Variants in PATJ observed in about 807,000 individuals in gnomAD.
PATJ encodes the protein inaD-like protein.
A neutral mutation model predicts 224.9 loss-of-function variants in PATJ; 190 were observed. That is an observed-to-expected ratio of 0.84 (90% CI 0.75 to 0.95). The LOEUF is 0.95. PATJ is among the 40% of genes least tolerant of loss of function. The pLI is 0.00. For missense variants in PATJ, 2,121 were observed against 2,270.3 expected (o/e 0.93, Z 1.34); for synonymous variants, 769 against 820.3 (o/e 0.94, Z 1.07).
At chr1:62,121,750 G>A (rs1041339006) in intron 38 of PATJ, among the ~76,000 whole-genome samples, 3 of 148,694 alleles carry the variant, frequency 2.0e-5, no homozygotes, top group African/African-American at 5.0e-5. Flanking sequence ...CTCCAGCCTG[G>A]GTGACAGAGC....
chr1:61,969,167 T>C (rs1279825888), intron 27 of PATJ, among the ~76,000 whole-genome samples: 2 of 152,378 alleles, frequency 1.3e-5, no homozygotes, highest in African/African-American at 2.4e-5. Context: ...TCTTGACTAT[T>C]GTGAATAGTG....
chr1:61,802,014 G>A (rs1652632555), intron 12 of PATJ, among the ~76,000 whole-genome samples: 1 of 149,652 alleles, frequency 6.7e-6, no homozygotes, highest in Admixed American at 6.7e-5. Flanking sequence ...GTATACATGT[G>A]CAATGTTAGT....
At chr1:61,908,299 C>A in intron 24 of PATJ, 73 bp from the exon 25 acceptor site, 1 of 969,554 alleles carries the variant, frequency 1.0e-6, no homozygotes, top group Non-Finnish European at 1.6e-6. Context: ...AGATAATGCA[C>A]ATGAACTTTG....
chr1:62,060,553 A>G (rs900285342), intron 31 of PATJ, among the ~76,000 whole-genome samples: 1 of 152,030 alleles, frequency 6.6e-6, no homozygotes. Context: ...TATTTTTTAT[A>G]GAGATGGGTT....
intron 28 of PATJ, among the ~76,000 whole-genome samples, chr1:62,003,008 A>T (rs1645880929): frequency 1.3e-5 from 2 of 152,356 alleles, no homozygotes; most frequent in South Asian, 4.1e-4. Flanking sequence ...ATTCCCGGTC[A>T]TTGGTCACCA....
intron 27 of PATJ, among the ~76,000 whole-genome samples, chr1:61,957,059 T>A (rs1680541313): frequency 6.6e-6 from 1 of 152,222 alleles, no homozygotes; most frequent in South Asian, 2.1e-4. Flanking sequence ...GCACTTACAG[T>A]GCTGTGTTGA....
Position 61,861,616 on chromosome 1 carries a change from T to G in PATJ, c.2388T>G (p.Phe796Leu). 1 of 1,493,936 alleles carries G rather than the reference T, an allele frequency of 6.7e-7. No individual in the cohort carries two copies. The highest frequency in any genetic ancestry group is 9.0e-7 in the Non-Finnish European group (1 of 1,112,868). The allele number at this position is 1,493,936 out of a possible 1,614,324, so 92.5% of individuals were successfully genotyped here. A position where few individuals can be genotyped will look rare whatever the true frequency, so the allele number is the denominator to read the frequency against. The change falls in exon 19 of 44, where the codon TTT (phenylalanine) becomes TTG (leucine). Residue 796 changes from phenylalanine (F) to leucine (L), a missense_variant. Transcript: ENST00000642238. ...GCAGTAATGAAGACAAGACTGAATT[T>G]TCAGGAACAATTCATGATATAAATT... Reference protein sequence around the residue: ...HSSSNEDKTEFSGTIHDINSS... With the variant: ...HSSSNEDKTELSGTIHDINSS...
intron 29 of PATJ, among the ~76,000 whole-genome samples, chr1:62,027,578 T>C (rs915579258): frequency 6.6e-6 from 1 of 150,826 alleles, no homozygotes; most frequent in Admixed American, 6.6e-5. Flanking sequence ...TTTACATCCC[T>C]ACCAACAATG....
rs1648407931 is a variant in PATJ at position 61,785,902 on chromosome 1, G to A, written c.850-1852G>A. ...AAGACCAACTTGGGCAACAGAGTGGGTCTCTATCTCAACAAAACAAAACAA... is the reference window on the plus strand; with the variant it reads ...AAGACCAACTTGGGCAACAGAGTGGATCTCTATCTCAACAAAACAAAACAA... On this transcript the variant is annotated intron_variant, in intron 7 of 43. Coordinates refer to ENST00000642238, the MANE Select transcript of PATJ (RefSeq NM_001350145.3). Among the ~76,000 whole-genome samples the A allele has an allele frequency of 2.0e-5, 3 of 152,120 alleles. No homozygotes were observed. In the South Asian group the frequency reaches 6.2e-4, roughly 32 times the overall value.
chr1:61,852,046 C>A (rs922006478), intron 17 of PATJ, among the ~76,000 whole-genome samples: 8 of 148,814 alleles, frequency 5.4e-5, no homozygotes, highest in Non-Finnish European at 8.9e-5. Flanking sequence ...TGACGGCACA[C>A]ACCTGTAACA....
At chr1:61,961,953 G>A (rs1218783562) in intron 27 of PATJ, among the ~76,000 whole-genome samples, 1 of 128,526 alleles carries the variant, frequency 7.8e-6, no homozygotes, top group Non-Finnish European at 1.6e-5. Flanking sequence ...TGGGCGACAA[G>A]AATGAAACTC....
intron 21 of PATJ, among the ~76,000 whole-genome samples, chr1:61,879,642 TG>T (rs1667812096): frequency 1.3e-5 from 2 of 151,658 alleles, no homozygotes; most frequent in Non-Finnish European, 2.9e-5. Flanking sequence ...CAGCTACTTC[TG>T]GGTCCCATTC....
chr1:61,839,807 C>T lies in PATJ; in HGVS notation c.2112+6022C>T, dbSNP rs530566180. Among the ~76,000 whole-genome samples the T allele has an allele frequency of 9.9e-5, 15 of 152,144 alleles. No individual in the cohort carries two copies. In the East Asian group the frequency reaches 2.5e-3, roughly 25 times the overall value. Reference sequence around the variant, plus strand: ...CCTACATCCTATTCCTCATTCCTCTCCCCTCTTGAGTGACTCAATTTTTGC... The same window carrying T: ...CCTACATCCTATTCCTCATTCCTCTTCCCTCTTGAGTGACTCAATTTTTGC... On this transcript the variant is annotated intron_variant, in intron 17 of 43. Coordinates refer to ENST00000642238, the MANE Select transcript of PATJ (RefSeq NM_001350145.3).
intron 31 of PATJ, among the ~76,000 whole-genome samples, chr1:62,070,297 G>A (rs1016693529): frequency 3.3e-5 from 5 of 152,050 alleles, no homozygotes; most frequent in Admixed American, 1.3e-4. Flanking sequence ...ACCTTTTCAC[G>A]TCTTTTTTCT....
intron 28 of PATJ, among the ~76,000 whole-genome samples, chr1:61,997,977 C>G (rs1260813288): frequency 1.2e-5 from 1 of 84,686 alleles, no homozygotes; most frequent in Non-Finnish European, 2.3e-5. Flanking sequence ...GCCACTGTGC[C>G]CAGCTTATAT....
intron 27 of PATJ, among the ~76,000 whole-genome samples, chr1:61,974,569 C>T (rs367927739): frequency 1.6e-4 from 25 of 151,906 alleles, no homozygotes; most frequent in Middle Eastern, 3.4e-3. Flanking sequence ...TGCCACTGTA[C>T]TCCATCCAGG....
chr1:61,890,935 C>T (rs1244119552), intron 22 of PATJ, among the ~76,000 whole-genome samples: 3 of 151,894 alleles, frequency 2.0e-5, no homozygotes, highest in Non-Finnish European at 4.4e-5. Context: ...AGAAGGTTTG[C>T]AGTGATGTTG....
intron 30 of PATJ, among the ~76,000 whole-genome samples, chr1:62,046,220 G>A (rs560128883): frequency 1.0e-3 from 116 of 113,468 alleles, no homozygotes; most frequent in African/African-American, 3.9e-3. Context: ...AGGAAGGAAG[G>A]AAGGAAAGGA....
chr1:62,056,642 G>T (rs1031778744), intron 31 of PATJ, among the ~76,000 whole-genome samples: 2 of 152,078 alleles, frequency 1.3e-5, no homozygotes, highest in Admixed American at 1.3e-4. Context: ...TTGGCTGGGC[G>T]TGGTGTTGGA....
Sources: allele counts gnomAD v4.1 joint callset (sites outside exome capture counted in the v4.1 genomes callset), GRCh38; gene constraint gnomAD v4.1.1; transcripts MANE v1.5; gene names NCBI Gene and HGNC (gene_info 2026-07-23, HGNC 2026-07-21).